The following TBC1D1 variants were observed in gnomAD, a reference collection of about 807,000 sequenced individuals.
TBC1D1 encodes TBC1 (tre-2/USP6, BUB2, cdc16) domain family, member 1.
TBC1D1 carries 89 observed loss-of-function variants against 125.6 expected under a neutral mutation model. The ratio of observed to expected loss-of-function variants is 0.71; its 90% CI spans 0.60 to 0.85. The LOEUF (loss-of-function observed/expected upper bound fraction) is 0.85, where lower values mean the gene tolerates loss of function less well. Ranked by LOEUF, TBC1D1 falls within the 40% of genes least tolerant of loss-of-function variation. The probability of loss-of-function intolerance (pLI) is 0.00; values close to 1 mark genes in which losing one functional copy is unlikely to be tolerated. For synonymous variants in TBC1D1, 565 were observed against 564.1 expected (o/e 1.00, Z -0.02); for missense variants, 1,377 against 1,469.2 (o/e 0.94, Z 1.03).
intron 8 of TBC1D1, among the ~76,000 whole-genome samples, chr4:38,038,530 G>A (rs980416144): frequency 2.6e-5 from 4 of 152,130 alleles, no homozygotes; most frequent in African/African-American, 9.7e-5. Flanking sequence ...TTTAGTGTTT[G>A]CTTCCAATTT....
intron 7 of TBC1D1, 25 bp from the exon 8 acceptor site, chr4:38,035,563 C>A (rs1327856619): frequency 1.3e-6 from 2 of 1,574,532 alleles, no homozygotes; most frequent in African/African-American, 1.4e-5. Flanking sequence ...AAAAATAAAT[C>A]CTGTTTCTGA....
At chr4:37,909,769 A>C (rs1014730704) in intron 2 of TBC1D1, among the ~76,000 whole-genome samples, 3 of 152,110 alleles carry the variant, frequency 2.0e-5, no homozygotes, top group African/African-American at 7.2e-5. Flanking sequence ...ACCTATATTA[A>C]ATTTCCACTG....
At chr4:37,911,131 CTTT>C (rs71658745) in intron 2 of TBC1D1, among the ~76,000 whole-genome samples, 24,011 of 94,410 alleles carry the variant, frequency 0.25, 2,228 homozygotes, top group South Asian at 0.3. Context: ...TCCCCTCCTC[CTTT>C]TTTTTTTTTT....
At chr4:37,914,314 C>A (rs542852313) in intron 2 of TBC1D1, among the ~76,000 whole-genome samples, 2 of 152,208 alleles carry the variant, frequency 1.3e-5, no homozygotes, top group Non-Finnish European at 2.9e-5. Flanking sequence ...TAAAGTAGAA[C>A]CCTTGATTCC....
intron 3 of TBC1D1, among the ~76,000 whole-genome samples, chr4:38,016,500 T>C (rs967587109): frequency 2.0e-5 from 3 of 152,238 alleles, no homozygotes; most frequent in African/African-American, 4.8e-5. Context: ...GTAAGACCAA[T>C]AGCAGCCTCA....
intron 7 of TBC1D1, among the ~76,000 whole-genome samples, chr4:38,031,673 G>C (rs190314081): frequency 6.6e-6 from 1 of 152,266 alleles, no homozygotes; most frequent in East Asian, 1.9e-4. Flanking sequence ...CTGGAGCACA[G>C]TGGTTATTCT....
chr4:38,102,897 G>T, intron 14 of TBC1D1, 102 bp from the exon 17 acceptor site: 5 of 1,292,820 alleles, frequency 3.9e-6, no homozygotes, highest in Middle Eastern at 2.6e-4. Flanking sequence ...AAAAAAAAAG[G>T]AACAAGAATT....
intron 18 of TBC1D1, among the ~76,000 whole-genome samples, chr4:38,131,416 A>G (rs1490458533): frequency 1.3e-5 from 2 of 152,226 alleles, no homozygotes; most frequent in East Asian, 3.8e-4. Flanking sequence ...CAGAAGTTCC[A>G]TGACGTGGCA....
intron 12 of TBC1D1, among the ~76,000 whole-genome samples, chr4:38,089,012 A>G (rs942356997): frequency 1.3e-5 from 2 of 152,192 alleles, no homozygotes; most frequent in Non-Finnish European, 2.9e-5. Context: ...AAGATGTAGA[A>G]TTTTAATTTA....
chr4:38,038,665 C>T (rs1162265423), intron 8 of TBC1D1, among the ~76,000 whole-genome samples: 1 of 152,128 alleles, frequency 6.6e-6, no homozygotes, highest in African/African-American at 2.4e-5. Flanking sequence ...TATTTTCATC[C>T]TGCCGGGCGC....
intron 13 of TBC1D1, among the ~76,000 whole-genome samples, chr4:38,092,903 A>G (rs1166430940): frequency 6.6e-6 from 1 of 152,128 alleles, no homozygotes; most frequent in Non-Finnish European, 1.5e-5. Context: ...GACTGGGACC[A>G]TGTAGACATA....
chr4:37,986,222 T>C (rs979539772), intron 2 of TBC1D1, among the ~76,000 whole-genome samples: 1 of 152,194 alleles, frequency 6.6e-6, no homozygotes, highest in Non-Finnish European at 1.5e-5. Context: ...TTTGTTCTTT[T>C]CTACATGGGG....
At chr4:37,981,310 G>C (rs560816185) in intron 2 of TBC1D1, among the ~76,000 whole-genome samples, 4 of 152,134 alleles carry the variant, frequency 2.6e-5, no homozygotes, top group Admixed American at 1.3e-4. Context: ...CAGGTTTTCC[G>C]TATTTGGGCA....
chr4:37,962,655 C>A (rs1204205336), intron 2 of TBC1D1, among the ~76,000 whole-genome samples: 2 of 152,144 alleles, frequency 1.3e-5, no homozygotes, highest in African/African-American at 2.4e-5. Flanking sequence ...AGTTTCATCA[C>A]CTGTAAATAA....
At chr4:38,048,829 C>T (rs1749951154) in intron 10 of TBC1D1, among the ~76,000 whole-genome samples, 1 of 152,102 alleles carries the variant, frequency 6.6e-6, no homozygotes, top group Non-Finnish European at 1.5e-5. Flanking sequence ...GTAGTTCATT[C>T]CTTTGAAAAA....
intron 2 of TBC1D1, among the ~76,000 whole-genome samples, chr4:37,941,987 G>T (rs1337207050): frequency 6.6e-6 from 1 of 152,244 alleles, no homozygotes; most frequent in East Asian, 1.9e-4. Context: ...GTGCTGAGAA[G>T]AATGTATATT....
At chr4:38,052,739 CACACACACACACACACACACACACAG>C (rs1750971224) in intron 11 of TBC1D1, among the ~76,000 whole-genome samples, 1 of 123,934 alleles carries the variant, frequency 8.1e-6, no homozygotes, top group African/African-American at 2.7e-5. Context: ...CACACACACA[CACACACACACACACACACACACACAG>C]GATAACATCT....
At chr4:38,100,264 A>G (rs986228738) in intron 14 of TBC1D1, among the ~76,000 whole-genome samples, 3 of 152,206 alleles carry the variant, frequency 2.0e-5, no homozygotes, top group Non-Finnish European at 2.9e-5. Context: ...GACTAAAGCA[A>G]CAGAAATTCT....
intron 8 of TBC1D1, among the ~76,000 whole-genome samples, chr4:38,040,437 C>T (rs543553823): frequency 9.9e-5 from 15 of 152,244 alleles, no homozygotes; most frequent in African/African-American, 1.7e-4. Flanking sequence ...TATAGGCGTG[C>T]GCCACCACGC....
Sources: allele counts gnomAD v4.1 joint callset (sites outside exome capture counted in the v4.1 genomes callset), GRCh38; gene constraint gnomAD v4.1.1; transcripts MANE v1.5; gene names NCBI Gene and HGNC (gene_info 2026-07-23, HGNC 2026-07-21).